The following RIF1 variants were observed in gnomAD, a reference collection of about 807,000 sequenced individuals.
The protein encoded by RIF1 is telomere-associated protein RIF1.
In RIF1, 45 loss-of-function variants were observed where a neutral mutation model predicts 247.1. That is an observed-to-expected ratio of 0.18 (90% confidence interval 0.14 to 0.23). RIF1 has a LOEUF of 0.23. RIF1 is among the 10% of genes least tolerant of loss of function. The probability of loss-of-function intolerance (pLI) is 1.00; values close to 1 mark genes in which losing one functional copy is unlikely to be tolerated. For synonymous variants in RIF1, 1,087 were observed against 978.8 expected (o/e 1.11, Z -2.06); for missense variants, 2,967 against 2,862.5 (o/e 1.04, Z -0.83).
rs1466746566 is a variant in RIF1 at position 151,479,713 on chromosome 2, G to C, written c.*4642G>C. ...AGTTGAATAATATGATTCTCGAAAA[G>C]TGAGTTTTTCTTGGAATTCTGTTAA... On this transcript the variant is annotated 3_prime_UTR_variant, in exon 36 of 36. Transcript: ENST00000444746. The C allele has an allele frequency of 2.0e-5, 3 of 152,158 alleles. No individual in the cohort carries two copies. The highest frequency in any genetic ancestry group is 7.2e-5 in the African/African-American group (3 of 41,454). 9.4% of individuals were successfully genotyped at this position (152,158 alleles called of 1,614,324 possible). A position where few individuals can be genotyped will look rare whatever the true frequency, so the allele number is the denominator to read the frequency against.
rs754902148 is a variant in RIF1 at position 151,463,781 on chromosome 2, C to T, written c.4261C>T (p.Arg1421Cys). ...AACCCTTAGACGGTCTTCAAGGCGA[C>T]GTTCAGAAGTAGTAGAGTCTACCAC... ...QKTLRRSSRR[R>C]SEVVESTTES... Residue 1421 changes from arginine to cysteine, a missense_variant, in exon 30 of 36, where the codon CGT (arginine) becomes TGT (cysteine). Physicochemically the swap from Arg to Cys is radical, Grantham distance 180. Transcript: ENST00000444746. The T allele has an allele frequency of 1.4e-5, 23 of 1,613,518 alleles. No individual in the cohort carries two copies. The highest frequency in any genetic ancestry group is 6.7e-5 in the East Asian group (3 of 44,880).
chr2:151,497,325 T>C, intron 10 of RIF1: 1 of 979,970 alleles, frequency 1.0e-6, no homozygotes, highest in East Asian at 1.1e-4. Flanking sequence ...TCCTAAACAA[T>C]TATATGAGGA....
chr2:151,524,100 TA>T, the RIF1 span, among the ~76,000 whole-genome samples: 1 of 152,116 alleles, frequency 6.6e-6, no homozygotes, highest in African/African-American at 2.4e-5. Context: ...CAAATGCCCA[TA>T]AATGGTAAAG....
At position 151,410,542 on chromosome 2, in the gene RIF1, G is replaced by A; in HGVS notation, c.104+15G>A. 2 of 1,605,064 alleles carry A rather than the reference G, an allele frequency of 1.2e-6. No homozygotes were observed. Among genetic ancestry groups the A allele is most frequent in the East Asian group, 2.2e-5 (1 of 44,796 alleles). ...ACTCTGACCAGGTGAGGTCCGCCACGGGGCGTAGCGGAGAGTGGGGCGCTC... is the reference window on the plus strand; with the variant it reads ...ACTCTGACCAGGTGAGGTCCGCCACAGGGCGTAGCGGAGAGTGGGGCGCTC... On this transcript the variant is annotated intron_variant, in intron 2 of 35. Transcript: ENST00000444746.
chr2:151,468,261 T>C lies in RIF1; in HGVS notation c.6747+115T>C, dbSNP rs889485388. 85 of 1,079,206 alleles carry C rather than the reference T, an allele frequency of 7.9e-5. No individual in the cohort carries two copies. The African/African-American group carries it at 1.0e-3, about 13-fold the overall frequency. 66.9% of individuals were successfully genotyped at this position (1,079,206 alleles called of 1,614,324 possible). ...AAAACTTCTTCCTTGGTTTAAAATA[T>C]ATTCTTTTGTCTGGTACACGGTAAG... On this transcript the variant is annotated intron_variant, in intron 31 of 35. Coordinates refer to ENST00000444746, the MANE Select transcript of RIF1 (RefSeq NM_018151.5).
chr2:151,434,047 C>CT (rs1475637270), intron 10 of RIF1, among the ~76,000 whole-genome samples: 1 of 151,616 alleles, frequency 6.6e-6, no homozygotes, highest in East Asian at 2.0e-4. Flanking sequence ...TGGCATGTGC[C>CT]TGTAGTCTCA....
Position 151,416,904 on chromosome 2 carries a change from A to G in RIF1, c.503+3A>G. The G allele has an allele frequency of 6.3e-7, 1 of 1,587,948 alleles. No individual in the cohort carries two copies. Among genetic ancestry groups the G allele is most frequent in the Non-Finnish European group, 8.6e-7 (1 of 1,160,482 alleles). ...GAAGCATTAAATGTTATCGTAAGGT[A>G]TGCATTTGGATGTTGTGCAAATTGA... On this transcript the variant is annotated splice_donor_region_variant and intron_variant, in intron 6 of 35. Transcript: ENST00000444746.
At chr2:151,503,586 A>G in intron 12 of RIF1, 3 of 551,194 alleles carry the variant, frequency 5.4e-6, no homozygotes, top group Admixed American at 3.6e-5. Flanking sequence ...GGAAAATTCC[A>G]TGAATATTTA....
intron 3 of RIF1, among the ~76,000 whole-genome samples, chr2:151,414,126 A>G (rs984960001): frequency 3.3e-5 from 5 of 152,148 alleles, no homozygotes; most frequent in Admixed American, 6.6e-5. Context: ...CAGCCTGGCC[A>G]ACATGGTGAA....
intron 4 of RIF1, among the ~76,000 whole-genome samples, chr2:151,415,590 A>AT (rs58578943): frequency 0.94 from 127,087 of 135,656 alleles, 60,233 homozygotes; most frequent in South Asian, 1. Flanking sequence ...AAAAAAGGAT[A>AT]TTGCTGGGTG....
In RIF1 at chr2:151,463,911, C is replaced by G. The variant is rs771683211; in HGVS notation, c.4391C>G (p.Pro1464Arg). The G allele has an allele frequency of 3.1e-6, 5 of 1,613,432 alleles. No homozygotes were observed. The highest frequency in any genetic ancestry group is 3.3e-5 in the Admixed American group (2 of 59,880). ...SPLHIKDDVL[P>R]KQKLIAEQTL... Reference sequence around the variant, plus strand: ...TTGCATATAAAAGATGATGTGTTACCTAAACAAAAACTGATTGCTGAACAA... The same window carrying G: ...TTGCATATAAAAGATGATGTGTTACGTAAACAAAAACTGATTGCTGAACAA... The change falls in exon 30 of 36, where the codon CCT becomes CGT. Residue 1464 changes from proline to arginine, a missense_variant. Pro to Arg is a moderately radical substitution (Grantham distance 103, BLOSUM62 -2). Around this residue, in one of 7 missense-constraint regions of RIF1, gnomAD observed 2,028 missense variants for 1,825.6 expected, o/e 1.11. Coordinates refer to ENST00000444746, the MANE Select transcript of RIF1 (RefSeq NM_018151.5).
chr2:151,485,925 G>A (rs2152621085), downstream of RIF1: 3 of 1,613,714 alleles, frequency 1.9e-6, no homozygotes, highest in Non-Finnish European at 2.5e-6. Flanking sequence ...ACATGGCACG[G>A]AAGATTTTCT....
chr2:151,496,207 G>T, intron 10 of RIF1: 1 of 1,399,708 alleles, frequency 7.1e-7, no homozygotes, highest in Non-Finnish European at 9.9e-7. Context: ...GGATTAATAT[G>T]TATTATTTTA....
chr2:151,488,347 A>G (rs2052916198), intron 9 of RIF1, among the ~76,000 whole-genome samples: 1 of 151,976 alleles, frequency 6.6e-6, no homozygotes, highest in Admixed American at 6.6e-5. Flanking sequence ...TTTCCCCTTT[A>G]TATTTTAAAA....
intron 7 of RIF1, among the ~76,000 whole-genome samples, 193 bp downstream of exon 7, chr2:151,420,572 C>G (rs926480410): frequency 3.1e-4 from 47 of 151,972 alleles, no homozygotes; most frequent in African/African-American, 1.1e-3. Flanking sequence ...CCCATCTCTA[C>G]AAAATATCTT....
rs151156544 is a variant in RIF1, at chr2:151,444,310, G to A, written c.1986+601G>A. Among the ~76,000 whole-genome samples the A allele has an allele frequency of 2.3e-3, 345 of 152,230 alleles. 9 individuals are homozygous for A. In the East Asian group the frequency reaches 0.045, roughly 20 times the overall value. ...AAATGAAATAACTCGAAGGAATTTTGTTGTTTTTGTTGTTGTTGAGTTGGA... is the reference window on the plus strand; with the variant it reads ...AAATGAAATAACTCGAAGGAATTTTATTGTTTTTGTTGTTGTTGAGTTGGA... On this transcript the variant is annotated intron_variant, in intron 18 of 35. Coordinates refer to ENST00000444746, the MANE Select transcript of RIF1 (RefSeq NM_018151.5).
chr2:151,468,472 A>G lies in RIF1; in HGVS notation c.6748-2A>G. 2 of 1,609,874 alleles carry G rather than the reference A, an allele frequency of 1.2e-6. No homozygotes were observed. The highest frequency in any genetic ancestry group is 1.7e-6 in the Non-Finnish European group (2 of 1,176,208). On this transcript the variant is annotated splice_acceptor_variant, in intron 31 of 35. Coordinates refer to ENST00000444746, the MANE Select transcript of RIF1 (RefSeq NM_018151.5). LOFTEE classifies it high-confidence loss of function. The stretch of plus-strand genomic sequence containing the variant: ...TTTTTTTCTCTCCTTTCTTCTATCT[A>G]GCATAATACCACTTCAGCCAAAGGA...
the RIF1 span, among the ~76,000 whole-genome samples, chr2:151,524,874 G>A: frequency 6.6e-6 from 1 of 151,656 alleles, no homozygotes; most frequent in African/African-American, 2.4e-5. Context: ...CACCATATTG[G>A]CCAGGCTGGT....
intron 12 of RIF1, among the ~76,000 whole-genome samples, chr2:151,504,296 T>C (rs115092099): frequency 0.015 from 2,257 of 152,314 alleles, 80 homozygotes; most frequent in East Asian, 0.14. Context: ...TAGGAACCTT[T>C]GAACATCTAC....
Sources: allele counts gnomAD v4.1 joint callset (sites outside exome capture counted in the v4.1 genomes callset), GRCh38; gene constraint gnomAD v4.1.1; regional missense constraint gnomAD v4.1.1; transcripts MANE v1.5; gene names NCBI Gene and HGNC (gene_info 2026-07-23, HGNC 2026-07-21).